TOP2B: variants seen among roughly 807,000 people sequenced by gnomAD.
TOP2B encodes DNA topoisomerase 2-beta.
TOP2B carries 51 observed loss-of-function variants against 193.5 expected under a neutral mutation model. That is an observed-to-expected ratio of 0.26 (90% CI 0.21 to 0.33). TOP2B has a LOEUF of 0.33. Among genes scored for constraint, TOP2B ranks in the 10% least tolerant of loss-of-function variants. The pLI is 1.00. For synonymous variants in TOP2B, 634 were observed against 635.7 expected (o/e 1.00, Z 0.04); for missense variants, 1,378 against 1,909.3 (o/e 0.72, Z 5.19).
At position 25,632,677 on chromosome 3, in the gene TOP2B, A is replaced by G. The variant is rs1702994900; in HGVS notation, c.1128+16T>C. Reference sequence around the variant, plus strand: ...CATATGTATGCATCATGTACAATATATAACACATCCCTTACTTGAAATGGT... The same window carrying G: ...CATATGTATGCATCATGTACAATATGTAACACATCCCTTACTTGAAATGGT... On this transcript the variant is annotated intron_variant, in intron 9 of 35. Coordinates refer to ENST00000264331, the MANE Select transcript of TOP2B (RefSeq NM_001330700.2). The G allele has an allele frequency of 1.2e-6, 2 of 1,610,014 alleles. No homozygotes were observed. Among genetic ancestry groups the G allele is most frequent in the Non-Finnish European group, 8.5e-7 (1 of 1,176,572 alleles).
At chr3:25,622,785 T>C (rs945046823) in intron 21 of TOP2B, among the ~76,000 whole-genome samples, 1 of 151,946 alleles carries the variant, frequency 6.6e-6, no homozygotes, top group African/African-American at 2.4e-5. Context: ...GGATTACAGG[T>C]GCCCTCCAGC....
At position 25,645,407 on chromosome 3, in the gene TOP2B, A is replaced by G; in HGVS notation, c.133T>C (p.Ser45Pro). 6.2e-7 allele frequency: 1 copy of G among 1,613,868 alleles called. No individual in the cohort carries two copies. Among genetic ancestry groups the G allele is most frequent in the African/African-American group, 1.3e-5 (1 of 75,048 alleles). The change falls in exon 2 of 36, where the codon TCT (serine) becomes CCT (proline). Residue 45 changes from serine (S) to proline (P), a missense_variant. This residue lies in a region of TOP2B where 83 missense variants were observed against 59.3 expected (regional missense o/e 1.40). Transcript: ENST00000264331. Reference sequence around the variant, plus strand: ...CTCTCAACAGACAACTTCTTTGAAGAATCATTTTTGTTGGCAGTTTCTGAC... The same window carrying G: ...CTCTCAACAGACAACTTCTTTGAAGGATCATTTTTGTTGGCAGTTTCTGAC... ...EESETANKND[S>P]SKKLSVERVY...
chr3:25,659,465 A>G (rs1311781570), intron 1 of TOP2B, among the ~76,000 whole-genome samples: 1 of 152,248 alleles, frequency 6.6e-6, no homozygotes, highest in African/African-American at 2.4e-5. Flanking sequence ...TCTGGGAGCT[A>G]CTATGTGCCA....
chr3:25,643,418 C>A (rs1703319149), intron 3 of TOP2B, among the ~76,000 whole-genome samples: 1 of 152,222 alleles, frequency 6.6e-6, no homozygotes, highest in Middle Eastern at 3.4e-3. Context: ...GCTAGCATAT[C>A]CCAGATGACT....
intron 7 of TOP2B, among the ~76,000 whole-genome samples, chr3:25,634,357 A>G (rs1703043418): frequency 6.6e-6 from 1 of 152,112 alleles, no homozygotes; most frequent in Non-Finnish European, 1.5e-5. Flanking sequence ...CTTGTAAGAA[A>G]ACGGGTGATC....
In TOP2B at chr3:25,632,572, A is replaced by G; in HGVS notation, c.1140T>C (p.His380=). 4.4e-6 allele frequency: 7 copies of G among 1,598,042 alleles called. No individual in the cohort carries two copies. Among genetic ancestry groups the G allele is most frequent in the Non-Finnish European group, 6.0e-6 (7 of 1,175,696 alleles). The change falls in exon 10 of 36, where the codon CAT becomes CAC. Residue 380 remains histidine, a synonymous_variant. Coordinates refer to ENST00000264331, the MANE Select transcript of TOP2B (RefSeq NM_001330700.2). ...VSVKPFQVKN[H]IWVFINCLIE... is the part of the protein sequence containing the mutation. ...TAAGGCAATTAATAAAAACCCATATATGGTTTTTTACCTGTTGAAAACATA... is the reference window on the plus strand; with the variant it reads ...TAAGGCAATTAATAAAAACCCATATGTGGTTTTTTACCTGTTGAAAACATA...
chr3:25,652,889 G>A (rs1229257155), intron 1 of TOP2B, among the ~76,000 whole-genome samples: 1 of 151,608 alleles, frequency 6.6e-6, no homozygotes. Context: ...TAACAAAACT[G>A]ACAAATCGTT....
rs972176585 is a variant in TOP2B, at chr3:25,664,753, A to C, written c.-456T>G. 137 of 988,284 alleles carry C rather than the reference A, an allele frequency of 1.4e-4. No individual in the cohort carries two copies. The highest frequency in any genetic ancestry group is 1.5e-4 in the Non-Finnish European group (126 of 830,858). The allele number at this position is 988,284 out of a possible 1,614,324, so 61.2% of individuals were successfully genotyped here. A position where few individuals can be genotyped will look rare whatever the true frequency, so the allele number is the denominator to read the frequency against. On this transcript the variant is annotated 5_prime_UTR_variant, in exon 1 of 36. Transcript: ENST00000264331. ...GGCCAGCCACTCGAGTCGCCAGAGT[A>C]GTCGTCCCGGTCGCCGCCGCTGCTT...
chr3:25,620,771 G>C lies in TOP2B; in HGVS notation c.2773C>G (p.Gln925Glu). ...NFKGTIQELG[Q>E]NQYAVSGEIF... The stretch of plus-strand genomic sequence containing the variant: ...TCACCACTGACTGCATACTGGTTTT[G>C]ACCAAGTTCTTGAATCGTGCCTTTA... The change falls in exon 22 of 36, where the codon CAA (glutamine) becomes GAA (glutamate). Residue 925 changes from glutamine to glutamate, a missense_variant. Coordinates refer to ENST00000264331, the MANE Select transcript of TOP2B (RefSeq NM_001330700.2). The C allele has an allele frequency of 1.9e-6, 3 of 1,613,464 alleles. No homozygotes were observed. The highest frequency in any genetic ancestry group is 2.5e-6 in the Non-Finnish European group (3 of 1,179,616).
At chr3:25,635,905 T>C (rs201633245) in intron 7 of TOP2B, 31 bp downstream of exon 7, 15 of 1,567,212 alleles carry the variant, frequency 9.6e-6, no homozygotes, top group African/African-American at 8.1e-5. Flanking sequence ...TAAAATAACA[T>C]AGTATTAAAA....
intron 1 of TOP2B, among the ~76,000 whole-genome samples, chr3:25,653,535 T>C (rs1410553844): frequency 6.6e-6 from 1 of 151,944 alleles, no homozygotes; most frequent in Non-Finnish European, 1.5e-5. Flanking sequence ...TCCTCCTTAA[T>C]ACCCCACAAC....
chr3:25,629,284 G>A (rs1485862535), intron 13 of TOP2B, 139 bp from the exon 14 acceptor site: 2 of 550,094 alleles, frequency 3.6e-6, no homozygotes, highest in Non-Finnish European at 6.2e-6. Context: ...CTATTAAGAT[G>A]ATCATACTAA....
intron 1 of TOP2B, among the ~76,000 whole-genome samples, chr3:25,653,249 G>A (rs1020332117): frequency 1.3e-5 from 2 of 152,028 alleles, no homozygotes; most frequent in Non-Finnish European, 2.9e-5. Context: ...AAAATGAGGG[G>A]CAGGGAACAC....
At chr3:25,641,079 G>A (rs984935062) in intron 4 of TOP2B, among the ~76,000 whole-genome samples, 1 of 151,970 alleles carries the variant, frequency 6.6e-6, no homozygotes, top group African/African-American at 2.4e-5. Flanking sequence ...GCCGCACCTG[G>A]CTTAGCTCAC....
chr3:25,660,284 C>G (rs1303917733), intron 1 of TOP2B, among the ~76,000 whole-genome samples: 1 of 152,142 alleles, frequency 6.6e-6, no homozygotes, highest in East Asian at 1.9e-4. Flanking sequence ...GATTACGTAT[C>G]CAGTTCTTTG....
chr3:25,605,949 A>C, intron 32 of TOP2B, 94 bp downstream of exon 32: 2 of 647,586 alleles, frequency 3.1e-6, no homozygotes, highest in Non-Finnish European at 4.6e-6. Flanking sequence ...AAAAATTCTG[A>C]AGTTAAATCA....
At chr3:25,599,405 G>T (rs748193472) in intron 35 of TOP2B, 30 bp downstream of exon 35, 4 of 1,598,664 alleles carry the variant, frequency 2.5e-6, no homozygotes, top group Non-Finnish European at 3.4e-6. Context: ...AAAAAGCCAT[G>T]CACTAATATG....
At chr3:25,629,598 T>A (rs1425095198) in intron 13 of TOP2B, among the ~76,000 whole-genome samples, 1 of 152,122 alleles carries the variant, frequency 6.6e-6, no homozygotes, top group African/African-American at 2.4e-5. Context: ...TACTTTAGAG[T>A]GCATAAGAGA....
At chr3:25,639,368 A>G (rs1480011834) in intron 4 of TOP2B, among the ~76,000 whole-genome samples, 2 of 142,030 alleles carry the variant, frequency 1.4e-5, no homozygotes, top group Non-Finnish European at 3.0e-5. Context: ...GAGTGCAATG[A>G]CACGATCTCA....
Sources: allele counts gnomAD v4.1 joint callset (sites outside exome capture counted in the v4.1 genomes callset), GRCh38; gene constraint gnomAD v4.1.1; regional missense constraint gnomAD v4.1.1; transcripts MANE v1.5; gene names NCBI Gene and HGNC (gene_info 2026-07-23, HGNC 2026-07-21).